The following PTPRN2 variants were observed in gnomAD, a reference collection of about 807,000 sequenced individuals.
PTPRN2 encodes receptor-type tyrosine-protein phosphatase N2.
PTPRN2 carries 74 observed loss-of-function variants against 118.8 expected under a neutral mutation model. The observed-to-expected ratio is 0.62, with a 90% CI of 0.52 to 0.76. The LOEUF is 0.76. Ranked by LOEUF, PTPRN2 falls within the 30% of genes least tolerant of loss-of-function variation. The pLI is 0.00. For synonymous variants in PTPRN2, 641 were observed against 608.0 expected (o/e 1.05, Z -0.80); for missense variants, 1,481 against 1,394.4 (o/e 1.06, Z -0.99).
chr7:157,898,622 C>G, intron 12 of PTPRN2, 51 bp downstream of exon 12: 1 of 1,506,160 alleles, frequency 6.6e-7, no homozygotes, highest in Non-Finnish European at 9.2e-7. Context: ...TCGCCAGCAC[C>G]CAGACAGCAC....
At chr7:158,406,552 GCAT>G (rs1174353323) in intron 2 of PTPRN2, among the ~76,000 whole-genome samples, 35 of 152,238 alleles carry the variant, frequency 2.3e-4, no homozygotes, top group Admixed American at 1.8e-3. Flanking sequence ...GGAGCCCCCT[GCAT>G]CATCATCGGC....
In PTPRN2 at chr7:158,526,897, G is replaced by A. The variant is rs991696051; in HGVS notation, c.113-37112C>T. Among the ~76,000 whole-genome samples, 3 of 152,116 alleles carry A rather than the reference G, an allele frequency of 2.0e-5. No homozygotes were observed. The highest frequency in any genetic ancestry group is 4.4e-5 in the Non-Finnish European group (3 of 68,030). On this transcript the variant is annotated intron_variant, in intron 1 of 22. Coordinates refer to ENST00000389418, the MANE Select transcript of PTPRN2 (RefSeq NM_002847.5). This position sits in a 1 kb window ranked among gnomAD's most constrained non-coding sequence, Gnocchi z 5.2. The stretch of plus-strand genomic sequence containing the variant: ...TTGCTAAGCCGCCTGGTTTGTGGGG[G>A]TTTGTTAGGGAGACTGAGCCAATTC...
At chr7:158,460,991 G>A (rs1280271247) in intron 2 of PTPRN2, among the ~76,000 whole-genome samples, 1 of 152,198 alleles carries the variant, frequency 6.6e-6, no homozygotes, top group African/African-American at 2.4e-5. Flanking sequence ...TAGAGATGCA[G>A]ACCATCATTG....
chr7:158,411,506 AG>A (rs2151434071), intron 2 of PTPRN2, among the ~76,000 whole-genome samples: 2 of 152,262 alleles, frequency 1.3e-5, no homozygotes, highest in South Asian at 4.1e-4. Flanking sequence ...CTGGGAGCCA[AG>A]GCACCTGCAA....
At chr7:158,381,222 A>C (rs10256075) in intron 2 of PTPRN2, among the ~76,000 whole-genome samples, 134,785 of 152,220 alleles carry the variant, frequency 0.89, 61,008 homozygotes, top group Non-Finnish European at 0.97. Context: ...TTGGGATTTT[A>C]TTTTCTATCA....
chr7:158,277,975 T>TCCTGACCTC (rs1799141537), intron 3 of PTPRN2, among the ~76,000 whole-genome samples: 1 of 152,118 alleles, frequency 6.6e-6, no homozygotes, highest in South Asian at 2.1e-4. Context: ...CCAGCCCTGC[T>TCCTGACCTC]CCTGACCTCC....
At chr7:158,429,073 G>C (rs142044311) in intron 2 of PTPRN2, among the ~76,000 whole-genome samples, 1 of 152,182 alleles carries the variant, frequency 6.6e-6, no homozygotes, top group African/African-American at 2.4e-5. Context: ...TGGCTGTCTC[G>C]CTTGCTAAAC....
At chr7:158,232,636 C>A (rs6949642) in intron 3 of PTPRN2, among the ~76,000 whole-genome samples, 71,842 of 150,026 alleles carry the variant, frequency 0.48, 17,807 homozygotes, top group African/African-American at 0.63. Context: ...AAAGACAAGA[C>A]AAAAAAAAAG....
Position 157,808,504 on chromosome 7 carries a change from G to A in PTPRN2, c.1788+90169C>T, listed in dbSNP as rs1036251435. Among the ~76,000 whole-genome samples, 2 of 152,112 alleles carry A rather than the reference G, an allele frequency of 1.3e-5. No homozygotes were observed. The highest frequency in any genetic ancestry group is 2.1e-4 in the South Asian group (1 of 4,812). ...TGCATGTGAGGGATCCAGGTTGCAC[G>A]CTCCTTATGAAAATCTAATGCCTGA... is the stretch of plus-strand genomic sequence containing the variant. On this transcript the variant is annotated intron_variant, in intron 12 of 22. Coordinates refer to ENST00000389418, the MANE Select transcript of PTPRN2 (RefSeq NM_002847.5). The surrounding 1 kb of genome is among the most constrained non-coding windows in gnomAD (Gnocchi z 5.0).
intron 3 of PTPRN2, among the ~76,000 whole-genome samples, chr7:158,216,701 C>T (rs1257572452): frequency 6.6e-6 from 1 of 151,902 alleles, no homozygotes; most frequent in African/African-American, 2.4e-5. Flanking sequence ...AGCAACTAAA[C>T]AAAAAATCAA....
chr7:158,164,283 G>A (rs545057297), intron 6 of PTPRN2, among the ~76,000 whole-genome samples: 68 of 147,478 alleles, frequency 4.6e-4, no homozygotes, highest in African/African-American at 1.4e-3. Context: ...GCAAGAGCGC[G>A]TGCGTAGGAA....
intron 6 of PTPRN2, among the ~76,000 whole-genome samples, chr7:158,152,628 G>A (rs528608119): frequency 1.4e-3 from 209 of 152,290 alleles, no homozygotes; most frequent in African/African-American, 4.8e-3. Context: ...GGTGAGGACA[G>A]GCACTCCTGC....
At chr7:158,062,738 C>T (rs950574265) in intron 11 of PTPRN2, among the ~76,000 whole-genome samples, 6 of 152,210 alleles carry the variant, frequency 3.9e-5, no homozygotes, top group Non-Finnish European at 8.8e-5. Flanking sequence ...GGAGGGTGTG[C>T]CGGTTCCCCC....
intron 12 of PTPRN2, among the ~76,000 whole-genome samples, chr7:157,751,413 G>A (rs1039535913): frequency 3.9e-5 from 6 of 152,180 alleles, no homozygotes; most frequent in Admixed American, 2.6e-4. Flanking sequence ...TAAATTAAAT[G>A]TCAGATGTAA....
intron 18 of PTPRN2, 27 bp downstream of exon 18, chr7:157,577,994 T>C: frequency 4.4e-6 from 7 of 1,586,314 alleles, no homozygotes; most frequent in Non-Finnish European, 6.0e-6. Flanking sequence ...TGGTGGGTCC[T>C]GCCCTGGGTG....
chr7:158,208,876 AAAAGTT>A (rs1444285955), intron 3 of PTPRN2, among the ~76,000 whole-genome samples: 1 of 152,196 alleles, frequency 6.6e-6, no homozygotes, highest in African/African-American at 2.4e-5. Flanking sequence ...AGAAACAACA[AAAAGTT>A]AAAAAGTAGG....
intron 6 of PTPRN2, among the ~76,000 whole-genome samples, chr7:158,146,593 C>A (rs373288767): frequency 6.6e-6 from 1 of 150,552 alleles, no homozygotes; most frequent in Non-Finnish European, 1.5e-5. Context: ...TGGTGGCGGG[C>A]GCCTGTAGTC....
chr7:158,244,792 AGTGT>A (rs1179599748), intron 3 of PTPRN2, among the ~76,000 whole-genome samples: 1 of 149,708 alleles, frequency 6.7e-6, no homozygotes, highest in African/African-American at 2.5e-5. Context: ...GAGTTGTGTG[AGTGT>A]GAGTTGTGTG....
chr7:157,847,082 T>C (rs1808879827), intron 12 of PTPRN2, among the ~76,000 whole-genome samples: 1 of 146,742 alleles, frequency 6.8e-6, no homozygotes, highest in African/African-American at 2.6e-5. Flanking sequence ...GTGCCCGATG[T>C]TTACAGAGCC....
Sources: allele counts gnomAD v4.1 joint callset (sites outside exome capture counted in the v4.1 genomes callset), GRCh38; gene constraint gnomAD v4.1.1; non-coding constraint Gnocchi (gnomAD v3.1); transcripts MANE v1.5; gene names NCBI Gene and HGNC (gene_info 2026-07-23, HGNC 2026-07-21).